Variants in SMAD3 observed in about 807,000 individuals in gnomAD.
SMAD3 encodes the protein SMAD family member 3, also known as MAD homolog 3.
A neutral mutation model predicts 51.8 loss-of-function variants in SMAD3; 12 were observed. That is an observed-to-expected ratio of 0.23 (90% CI 0.15 to 0.38). SMAD3 has a LOEUF of 0.38. SMAD3 is among the 10% of genes least tolerant of loss of function. The probability of loss-of-function intolerance (pLI) is 1.00; values close to 1 mark genes in which losing one functional copy is unlikely to be tolerated. For synonymous variants in SMAD3, 238 were observed against 227.7 expected (o/e 1.05, Z -0.41); for missense variants, 294 against 565.6 (o/e 0.52, Z 4.87).
intron 1 of SMAD3, among the ~76,000 whole-genome samples, chr15:67,110,119 G>A (rs964592141): frequency 9.9e-5 from 15 of 152,180 alleles, no homozygotes; most frequent in South Asian, 8.3e-4. Flanking sequence ...CCTCTAGGTC[G>A]TCAGTGAATG....
intron 1 of SMAD3, among the ~76,000 whole-genome samples, chr15:67,157,560 C>G (rs1340967596): frequency 6.6e-6 from 1 of 152,258 alleles, no homozygotes; most frequent in Non-Finnish European, 1.5e-5. Context: ...GTAGTTCATG[C>G]TGAATGGATC....
chr15:67,065,605 A>T lies in SMAD3; in HGVS notation c.-550A>T, dbSNP rs569945519. ...GAGGCTGCACGCGGATTTGCATGAA[A>T]CACAGACTGGGAGCGGGCGGGAGCG... On this transcript the variant is annotated 5_prime_UTR_variant, in exon 1 of 9. Transcript: ENST00000327367. Among the ~76,000 whole-genome samples, 121 of 149,260 alleles carry T rather than the reference A, an allele frequency of 8.1e-4. 1 individual carries two copies. Among genetic ancestry groups the T allele is most frequent in the African/African-American group, 2.9e-3 (116 of 40,478 alleles).
intron 1 of SMAD3, among the ~76,000 whole-genome samples, chr15:67,079,957 C>T (rs1960247297): frequency 6.6e-6 from 1 of 152,238 alleles, no homozygotes; most frequent in Admixed American, 6.5e-5. Context: ...CACTGAAGCT[C>T]TACACCTTCT....
intron 5 of SMAD3, among the ~76,000 whole-genome samples, chr15:67,175,799 C>T (rs928741421): frequency 1.2e-4 from 18 of 152,290 alleles, no homozygotes; most frequent in African/African-American, 2.9e-4. Flanking sequence ...TGAGTGTGGA[C>T]GGCGGCCCAG....
chr15:67,170,835 T>TG (rs1032121593), intron 5 of SMAD3, among the ~76,000 whole-genome samples: 1 of 152,156 alleles, frequency 6.6e-6, no homozygotes, highest in Non-Finnish European at 1.5e-5. Flanking sequence ...GTATTTCCCC[T>TG]GGGGGGCGGG....
intron 1 of SMAD3, 93 bp from the exon 2 acceptor site, chr15:67,164,802 C>T: frequency 7.6e-7 from 1 of 1,319,258 alleles, no homozygotes; most frequent in Non-Finnish European, 1.1e-6. Context: ...GGAGAGAGAG[C>T]TTTCCAAGTG....
rs1961353022 is a variant in SMAD3, at chr15:67,125,141, A to C, written c.207-39754A>C. ...GCTACAGGCCCTGGTGGCTGGGTGCATCCCCGTATGCCATCCAGGCCCACC... is the reference window on the plus strand; with the variant it reads ...GCTACAGGCCCTGGTGGCTGGGTGCCTCCCCGTATGCCATCCAGGCCCACC... On this transcript the variant is annotated intron_variant, in intron 1 of 8. Coordinates refer to ENST00000327367, the MANE Select transcript of SMAD3 (RefSeq NM_005902.4). Among the ~76,000 whole-genome samples the C allele has an allele frequency of 1.3e-5, 2 of 152,192 alleles. 1 individual carries two copies. The highest frequency in any genetic ancestry group is 4.1e-4 in the South Asian group (2 of 4,830).
chr15:67,091,220 C>T (rs757743055), intron 1 of SMAD3, among the ~76,000 whole-genome samples: 12 of 152,210 alleles, frequency 7.9e-5, no homozygotes, highest in Non-Finnish European at 1.0e-4. Flanking sequence ...AACATCTTTG[C>T]GTATTATTCC....
intron 4 of SMAD3, among the ~76,000 whole-genome samples, chr15:67,169,923 T>C (rs1186252272): frequency 6.6e-6 from 1 of 152,182 alleles, no homozygotes; most frequent in Non-Finnish European, 1.5e-5. Flanking sequence ...ATTGGGTAGA[T>C]TGAGACTTTT....
intron 1 of SMAD3, among the ~76,000 whole-genome samples, chr15:67,162,388 C>T (rs1258341298): frequency 6.6e-6 from 1 of 152,166 alleles, no homozygotes; most frequent in Non-Finnish European, 1.5e-5. Context: ...AAAAGCAGTC[C>T]TGCCTCTTAA....
chr15:67,179,847 G>C (rs3784681), intron 5 of SMAD3, among the ~76,000 whole-genome samples: 46,698 of 151,740 alleles, frequency 0.31, 7,444 homozygotes, highest in East Asian at 0.55. Flanking sequence ...GTTCCTCCCT[G>C]AGGAGGAACC....
intron 4 of SMAD3, among the ~76,000 whole-genome samples, chr15:67,169,558 G>T (rs1428059824): frequency 6.6e-6 from 1 of 151,788 alleles, no homozygotes; most frequent in Non-Finnish European, 1.5e-5. Context: ...AACACAGCTC[G>T]CTGCAGCCTC....
intron 1 of SMAD3, among the ~76,000 whole-genome samples, chr15:67,082,204 A>G (rs1960293801): frequency 6.6e-6 from 1 of 152,034 alleles, no homozygotes; most frequent in African/African-American, 2.4e-5. Flanking sequence ...TAGCTTTGGA[A>G]GAGGTGTTAA....
intron 1 of SMAD3, among the ~76,000 whole-genome samples, chr15:67,131,860 G>A (rs1466326424): frequency 6.6e-6 from 1 of 152,150 alleles, no homozygotes; most frequent in African/African-American, 2.4e-5. Context: ...CCAGGAGATG[G>A]GTGCTTCTTC....
intron 1 of SMAD3, chr15:67,125,848 A>G: frequency 1.0e-6 from 1 of 985,444 alleles, no homozygotes; most frequent in Non-Finnish European, 1.2e-6. Flanking sequence ...GAGCCGCGGC[A>G]CTGGGGTAAT....
chr15:67,190,381 C>G, intron 8 of SMAD3, 32 bp from the exon 9 acceptor site: 1 of 1,607,302 alleles, frequency 6.2e-7, no homozygotes, highest in Non-Finnish European at 8.5e-7. Flanking sequence ...TTTTTAAGTC[C>G]CCCACCCCAC....
intron 1 of SMAD3, among the ~76,000 whole-genome samples, chr15:67,122,545 T>C (rs1038571606): frequency 6.6e-6 from 1 of 152,210 alleles, no homozygotes; most frequent in African/African-American, 2.4e-5. Flanking sequence ...ACTAGTTTCA[T>C]TGCCCAAAAT....
chr15:67,089,111 C>T (rs1960457502), intron 1 of SMAD3, among the ~76,000 whole-genome samples: 1 of 152,116 alleles, frequency 6.6e-6, no homozygotes. Context: ...TGGAGCACAC[C>T]TAGCCGCCTT....
intron 1 of SMAD3, among the ~76,000 whole-genome samples, chr15:67,105,698 A>G (rs1960861474): frequency 6.6e-6 from 1 of 152,134 alleles, no homozygotes; most frequent in Non-Finnish European, 1.5e-5. Context: ...CAGGAGGGAG[A>G]AACAGGAATG....
Sources: gnomAD v4.1 joint callset for allele counts (sites outside exome capture counted in the v4.1 genomes callset) on GRCh38, gnomAD v4.1.1 for gene constraint, MANE v1.5 for transcripts, NCBI Gene and HGNC (gene_info 2026-07-23, HGNC 2026-07-21) for gene names.